NKAIN3: variants seen among roughly 807,000 people sequenced by gnomAD.
NKAIN3 encodes the protein sodium/potassium transporting ATPase interacting 3.
A neutral mutation model predicts 30.2 loss-of-function variants in NKAIN3; 25 were observed. That is an observed-to-expected ratio of 0.83 (90% confidence interval 0.60 to 1.16). The LOEUF is 1.16. Among genes scored for constraint, NKAIN3 ranks in the 50% most tolerant of loss-of-function variants. NKAIN3 has a pLI of 0.00. For synonymous variants in NKAIN3, 91 were observed against 89.6 expected (o/e 1.02, Z -0.09); for missense variants, 225 against 254.1 (o/e 0.89, Z 0.78).
chr8:62,937,189 G>A (rs1044672932), intron 5 of NKAIN3, among the ~76,000 whole-genome samples: 4 of 151,994 alleles, frequency 2.6e-5, no homozygotes, highest in African/African-American at 7.3e-5. Context: ...ACTAACTTGC[G>A]GCTCCCACTC....
chr8:62,650,706 C>T (rs370453325), intron 3 of NKAIN3, among the ~76,000 whole-genome samples: 3 of 152,168 alleles, frequency 2.0e-5, no homozygotes, highest in Non-Finnish European at 2.9e-5. Flanking sequence ...CAAAGTATGA[C>T]GTGGGAATAT....
intron 4 of NKAIN3, among the ~76,000 whole-genome samples, chr8:62,872,633 C>A (rs185448879): frequency 2.0e-5 from 3 of 152,312 alleles, no homozygotes; most frequent in Admixed American, 2.0e-4. Context: ...AAGAAAGACA[C>A]AACTCTGCCA....
At chr8:62,889,097 G>A (rs572075900) in intron 4 of NKAIN3, among the ~76,000 whole-genome samples, 7 of 152,088 alleles carry the variant, frequency 4.6e-5, no homozygotes, top group Non-Finnish European at 7.4e-5. Context: ...GTCCAGGCAC[G>A]GTGACTCACG....
At chr8:62,445,665 A>T (rs934457550) in intron 1 of NKAIN3, among the ~76,000 whole-genome samples, 2 of 152,126 alleles carry the variant, frequency 1.3e-5, no homozygotes, top group African/African-American at 4.8e-5. Context: ...AGAGATGGTG[A>T]GAGTTTCATT....
At chr8:62,344,854 G>A (rs1815878988) in intron 1 of NKAIN3, 3 of 436,406 alleles carry the variant, frequency 6.9e-6, no homozygotes, top group Non-Finnish European at 1.4e-5. Flanking sequence ...AATGTCATGG[G>A]TATTTTGATA....
intron 1 of NKAIN3, among the ~76,000 whole-genome samples, chr8:62,566,481 G>T (rs200783160): frequency 1.1e-4 from 15 of 140,532 alleles, no homozygotes; most frequent in African/African-American, 3.9e-4. Flanking sequence ...TTAATTAATG[G>T]CTTTATATTT....
chr8:62,787,449 A>G (rs553980820), intron 4 of NKAIN3, among the ~76,000 whole-genome samples: 1 of 152,310 alleles, frequency 6.6e-6, no homozygotes, highest in East Asian at 1.9e-4. Flanking sequence ...ATAGTTAGCC[A>G]TGATACTTAA....
chr8:62,957,274 T>C (rs975380835), intron 6 of NKAIN3, among the ~76,000 whole-genome samples: 3 of 151,996 alleles, frequency 2.0e-5, no homozygotes, highest in Admixed American at 1.3e-4. Flanking sequence ...GCTGGGACTA[T>C]AGGCGCCCGC....
At chr8:62,628,791 A>C (rs1409063101) in intron 3 of NKAIN3, among the ~76,000 whole-genome samples, 1 of 152,080 alleles carries the variant, frequency 6.6e-6, no homozygotes, top group Non-Finnish European at 1.5e-5. Flanking sequence ...CATCCTATTC[A>C]AGATGATATT....
chr8:62,428,245 G>C (rs1201798711), intron 1 of NKAIN3, among the ~76,000 whole-genome samples: 1 of 151,828 alleles, frequency 6.6e-6, no homozygotes, highest in Non-Finnish European at 1.5e-5. Context: ...TTCATCCATT[G>C]AAGGGCACAT....
At chr8:62,520,633 TA>T (rs1441272177) in intron 1 of NKAIN3, among the ~76,000 whole-genome samples, 1 of 152,084 alleles carries the variant, frequency 6.6e-6, no homozygotes, top group Non-Finnish European at 1.5e-5. Context: ...CAAACATAAT[TA>T]AAGTATTTGA....
intron 1 of NKAIN3, among the ~76,000 whole-genome samples, chr8:62,445,753 C>T (rs1805469034): frequency 6.6e-6 from 1 of 152,106 alleles, no homozygotes; most frequent in African/African-American, 2.4e-5. Flanking sequence ...TTTTCTCTTA[C>T]CCCATCAAAA....
At chr8:62,931,397 A>G (rs1455731945) in intron 5 of NKAIN3, among the ~76,000 whole-genome samples, 1 of 152,208 alleles carries the variant, frequency 6.6e-6, no homozygotes, top group Non-Finnish European at 1.5e-5. Flanking sequence ...AGAACTAAAA[A>G]GATTTTATAT....
At chr8:62,908,941 G>A (rs1196299165) in intron 4 of NKAIN3, among the ~76,000 whole-genome samples, 1 of 152,160 alleles carries the variant, frequency 6.6e-6, no homozygotes, top group Non-Finnish European at 1.5e-5. Context: ...GTTGTTCAAG[G>A]ATTCTTCTGC....
chr8:62,290,924 T>A (rs570918749), intron 1 of NKAIN3, among the ~76,000 whole-genome samples: 7 of 152,336 alleles, frequency 4.6e-5, no homozygotes, highest in Admixed American at 3.9e-4. Flanking sequence ...GAACCTGGTA[T>A]GGGTCTATTC....
chr8:62,418,485 C>G (rs1230252209), intron 1 of NKAIN3, among the ~76,000 whole-genome samples: 1 of 152,158 alleles, frequency 6.6e-6, no homozygotes, highest in Non-Finnish European at 1.5e-5. Context: ...AGGAGATAGA[C>G]TATTGCTCCC....
In NKAIN3 at chr8:62,967,663, C is replaced by G. The variant is rs536396049; in HGVS notation, c.*2256C>G. Among the ~76,000 whole-genome samples, 21 of 152,074 alleles carry G rather than the reference C, an allele frequency of 1.4e-4. No individual in the cohort carries two copies. Among genetic ancestry groups the G allele is most frequent in the Middle Eastern group, 3.4e-3 (1 of 294 alleles). On this transcript the variant is annotated 3_prime_UTR_variant, in exon 7 of 7. Coordinates refer to ENST00000623646, the MANE Select transcript of NKAIN3 (RefSeq NM_001304533.3). ...TAATATTCAAGTTCCAAAACTAATG[C>G]CAATAATTATTGTTAGTATTGTTAC...
chr8:62,738,613 A>G (rs1032953731), intron 3 of NKAIN3, among the ~76,000 whole-genome samples: 5 of 151,668 alleles, frequency 3.3e-5, no homozygotes, highest in Non-Finnish European at 5.9e-5. Flanking sequence ...AAAAAAAAAA[A>G]AAAAAGTCCT....
intron 1 of NKAIN3, among the ~76,000 whole-genome samples, chr8:62,431,527 G>A (rs1208133972): frequency 6.6e-6 from 1 of 151,844 alleles, no homozygotes; most frequent in Admixed American, 6.6e-5. Flanking sequence ...AATCATAAAT[G>A]TGGAAATGGG....
Sources: allele counts gnomAD v4.1 joint callset (sites outside exome capture counted in the v4.1 genomes callset), GRCh38; gene constraint gnomAD v4.1.1; transcripts MANE v1.5; gene names NCBI Gene and HGNC (gene_info 2026-07-23, HGNC 2026-07-21).